The following FBXO25 variants were observed in gnomAD, a reference collection of about 807,000 sequenced individuals.
The protein encoded by FBXO25 is F-box protein 25, also known as F-box only protein 25.
A neutral mutation model predicts 51.9 loss-of-function variants in FBXO25; 45 were observed. That is an observed-to-expected ratio of 0.87 (90% confidence interval 0.68 to 1.11). The LOEUF (loss-of-function observed/expected upper bound fraction) is 1.11, where lower values mean the gene tolerates loss of function less well. FBXO25 is among the 50% of genes most tolerant of loss of function. FBXO25 has a pLI of 0.00. For synonymous variants in FBXO25, 199 were observed against 151.0 expected, an observed-to-expected ratio of 1.32 and a Z score of -2.33; for missense variants, 507 against 428.5, an observed-to-expected ratio of 1.18 and a Z score of -1.62.
intron 2 of FBXO25, among the ~76,000 whole-genome samples, chr8:422,784 C>T (rs1797233547): frequency 6.6e-6 from 1 of 152,184 alleles, no homozygotes; most frequent in African/African-American, 2.4e-5. Flanking sequence ...GCAATGGTGG[C>T]TTACCTCTTA....
chr8:470,975 TA>T lies in FBXO25; in HGVS notation c.*2173del, dbSNP rs1800465909. 1.3e-5 allele frequency: 2 copies of T among 152,248 alleles called. No individual in the cohort carries two copies. Among genetic ancestry groups the T allele is most frequent in the Non-Finnish European group, 2.9e-5 (2 of 68,034 alleles). The allele number at this position is 152,248 out of a possible 1,614,324, so 9.4% of individuals were successfully genotyped here. Reference sequence around the variant, plus strand: ...CTTTTGAAGTTGTGGTTCTTTCCCCTAATTTGTCATATACTGTTACTGTCAT... The same window carrying T: ...CTTTTGAAGTTGTGGTTCTTTCCCCTATTTGTCATATACTGTTACTGTCAT... On this transcript the variant is annotated 3_prime_UTR_variant, in exon 10 of 10. Coordinates refer to ENST00000350302, the MANE Select transcript of FBXO25 (RefSeq NM_183420.2).
At chr8:432,760 A>G (rs1797889616) in intron 3 of FBXO25, 126 bp from the exon 4 acceptor site, 1 of 1,209,820 alleles carries the variant, frequency 8.3e-7, no homozygotes, top group Non-Finnish European at 1.1e-6. Flanking sequence ...CCCACGTAAA[A>G]GCATTTCTTG....
intron 9 of FBXO25, among the ~76,000 whole-genome samples, chr8:467,203 A>AGT (rs1415166564): frequency 1.3e-5 from 2 of 152,196 alleles, no homozygotes; most frequent in African/African-American, 4.8e-5. Flanking sequence ...TGTGTTGGAA[A>AGT]GTGGCATTCA....
At chr8:433,325 C>CG (rs1797924963) in intron 4 of FBXO25, among the ~76,000 whole-genome samples, 1 of 152,138 alleles carries the variant, frequency 6.6e-6, no homozygotes, top group African/African-American at 2.4e-5. Flanking sequence ...CTGTACATAT[C>CG]TGAGTCTACA....
chr8:462,118 G>C (rs1207759540), intron 8 of FBXO25, among the ~76,000 whole-genome samples: 1 of 152,170 alleles, frequency 6.6e-6, no homozygotes, highest in African/African-American at 2.4e-5. Flanking sequence ...CCCCAGCAGT[G>C]TGTGAGGTCT....
At chr8:424,544 C>T (rs1797352967) in intron 2 of FBXO25, among the ~76,000 whole-genome samples, 1 of 152,110 alleles carries the variant, frequency 6.6e-6, no homozygotes, top group Non-Finnish European at 1.5e-5. Context: ...TTTGTATATG[C>T]TGAAAGGTAG....
In FBXO25 at chr8:474,936, G is replaced by T. The variant is rs184205590; in HGVS notation, c.*6132G>T. ...ATTTTAAAATACTTTGTCCCATTCC[G>T]TGGATTGCCTTTCACTCTGTTTTGT... On this transcript the variant is annotated 3_prime_UTR_variant, in exon 10 of 10. Coordinates refer to ENST00000350302, the MANE Select transcript of FBXO25 (RefSeq NM_183420.2). The T allele has an allele frequency of 6.7e-6, 3 of 449,472 alleles. No individual in the cohort carries two copies. The Admixed American group carries it at 7.3e-5, about 11-fold the overall frequency. The allele number at this position is 449,472 out of a possible 1,614,324, so 27.8% of individuals were successfully genotyped here.
intron 2 of FBXO25, among the ~76,000 whole-genome samples, chr8:425,138 C>G (rs191176437): frequency 1.2e-4 from 18 of 152,158 alleles, no homozygotes; most frequent in Admixed American, 1.0e-3. Flanking sequence ...CCCCCGCCCC[C>G]CACATGTCCC....
chr8:442,390 G>A (rs1278371325), intron 5 of FBXO25, among the ~76,000 whole-genome samples: 1 of 151,978 alleles, frequency 6.6e-6, no homozygotes, highest in South Asian at 2.1e-4. Context: ...TAGTTGTACT[G>A]CACCTACAGG....
Position 426,723 on chromosome 8 carries a change from G to A in FBXO25, c.135-4618G>A, listed in dbSNP as rs868362889. Reference sequence around the variant, plus strand: ...TGCATCTGAAGCTCTTTAAGACGGCGTTTCCCTTCTGCCAGATTGCACTCT... The same window carrying A: ...TGCATCTGAAGCTCTTTAAGACGGCATTTCCCTTCTGCCAGATTGCACTCT... On this transcript the variant is annotated intron_variant, in intron 2 of 9. Coordinates refer to ENST00000350302, the MANE Select transcript of FBXO25 (RefSeq NM_183420.2). Among the ~76,000 whole-genome samples the A allele has an allele frequency of 1.6e-3, 243 of 151,258 alleles. 1 individual carries two copies. The highest frequency in any genetic ancestry group is 6.8e-3 in the Middle Eastern group (2 of 294).
At chr8:431,953 C>A (rs990815966) in intron 3 of FBXO25, among the ~76,000 whole-genome samples, 3 of 152,106 alleles carry the variant, frequency 2.0e-5, no homozygotes, top group African/African-American at 7.2e-5. Context: ...GGATAGACCT[C>A]CAGTGGATGC....
intron 2 of FBXO25, among the ~76,000 whole-genome samples, chr8:419,130 C>A (rs1185225199): frequency 6.6e-6 from 1 of 151,698 alleles, no homozygotes; most frequent in Non-Finnish European, 1.5e-5. Context: ...GAGGCCAAGG[C>A]GGGCGGATCA....
Position 440,607 on chromosome 8 carries a change from CT to C in FBXO25, c.381+4903del, listed in dbSNP as rs1260291294. The stretch of plus-strand genomic sequence containing the variant: ...TTTTTTTTAAATTTTTTAAATTATA[CT>C]TTAAGTTCTGGTATACATGTGCTCA... On this transcript the variant is annotated intron_variant, in intron 5 of 9. Transcript: ENST00000350302. Among the ~76,000 whole-genome samples the C allele has an allele frequency of 1.3e-4, 20 of 151,906 alleles. No individual in the cohort carries two copies. In the Middle Eastern group the frequency reaches 0.01, roughly 78 times the overall value.
intron 7 of FBXO25, among the ~76,000 whole-genome samples, chr8:451,757 T>C (rs757379033): frequency 2.0e-5 from 3 of 152,200 alleles, no homozygotes; most frequent in Non-Finnish European, 2.9e-5. Flanking sequence ...ATTCAGTAAA[T>C]TAAGGCTAAA....
intron 7 of FBXO25, among the ~76,000 whole-genome samples, chr8:456,470 A>C (rs1799437818): frequency 6.6e-6 from 1 of 152,214 alleles, no homozygotes; most frequent in African/African-American, 2.4e-5. Context: ...GTAATGAGCA[A>C]AGACGTTTAC....
chr8:425,178 A>C (rs1797397541), intron 2 of FBXO25, among the ~76,000 whole-genome samples: 1 of 148,610 alleles, frequency 6.7e-6, no homozygotes, highest in African/African-American at 2.5e-5. Context: ...TCATCTCCCC[A>C]AAAATAACCA....
At chr8:460,176 G>A (rs1799717557) in intron 8 of FBXO25, among the ~76,000 whole-genome samples, 3 of 152,116 alleles carry the variant, frequency 2.0e-5, no homozygotes, top group Admixed American at 2.0e-4. Flanking sequence ...GTTCCCAAAA[G>A]GCGTTAATGA....
intron 6 of FBXO25, 141 bp downstream of exon 6, chr8:450,224 C>T (rs971253454): frequency 3.8e-6 from 2 of 531,782 alleles, no homozygotes; most frequent in Non-Finnish European, 6.4e-6. Context: ...ATCAGAAATA[C>T]AGGTCATCCT....
At chr8:422,715 C>A (rs1438372794) in intron 2 of FBXO25, among the ~76,000 whole-genome samples, 1 of 152,174 alleles carries the variant, frequency 6.6e-6, no homozygotes, top group Non-Finnish European at 1.5e-5. Context: ...AAGCCAGAGG[C>A]ATCACGTAGT....
Sources: allele counts gnomAD v4.1 joint callset (sites outside exome capture counted in the v4.1 genomes callset), GRCh38; gene constraint gnomAD v4.1.1; transcripts MANE v1.5; gene names NCBI Gene and HGNC (gene_info 2026-07-23, HGNC 2026-07-21).